CAMKMT: variants seen among roughly 807,000 people sequenced by gnomAD.
CAMKMT encodes the protein calmodulin-lysine N-methyltransferase.
A neutral mutation model predicts 48.0 loss-of-function variants in CAMKMT; 53 were observed. The ratio of observed to expected loss-of-function variants is 1.10; its 90% confidence interval spans 0.89 to 1.39. The LOEUF (loss-of-function observed/expected upper bound fraction) is 1.39. Among genes scored for constraint, CAMKMT ranks in the 40% most tolerant of loss-of-function variants. The probability of loss-of-function intolerance (pLI) is 0.00; values close to 1 mark genes in which losing one functional copy is unlikely to be tolerated. For synonymous variants in CAMKMT, 165 were observed against 152.3 expected, an observed-to-expected ratio of 1.08 and a Z score of -0.61; for missense variants, 428 against 402.7, an observed-to-expected ratio of 1.06 and a Z score of -0.54.
At chr2:44,707,597 G>A (rs1346355109) in intron 6 of CAMKMT, 135 bp downstream of exon 6, 6 of 613,166 alleles carry the variant, frequency 9.8e-6, no homozygotes, top group Non-Finnish European at 1.6e-5. Context: ...AAGTAATTAA[G>A]AAAAAGTAGA....
chr2:44,759,549 C>T (rs999880271), intron 9 of CAMKMT, among the ~76,000 whole-genome samples: 4 of 152,030 alleles, frequency 2.6e-5, no homozygotes, highest in South Asian at 2.1e-4. Flanking sequence ...GGATCAGTAC[C>T]GTGAACTGAA....
rs1367706283 is a variant in CAMKMT, at chr2:44,612,040, A to G, written c.377-92243A>G. Among the ~76,000 whole-genome samples, 3 of 152,204 alleles carry G rather than the reference A, an allele frequency of 2.0e-5. No homozygotes were observed. The East Asian group carries it at 5.8e-4, about 29-fold the overall frequency. ...GAGATTTCAGTGGGGAAACATCCAA[A>G]CTATATCATCTGGGTAACTTTCTAA... is the stretch of plus-strand genomic sequence containing the variant. On this transcript the variant is annotated intron_variant, in intron 3 of 10. Transcript: ENST00000378494.
chr2:44,525,841 A>G lies in CAMKMT; in HGVS notation c.376+135536A>G, dbSNP rs568844277. Among the ~76,000 whole-genome samples the G allele has an allele frequency of 6.8e-4, 103 of 151,376 alleles. 1 individual carries two copies. Among genetic ancestry groups the G allele is most frequent in the African/African-American group, 2.4e-3 (99 of 41,252 alleles). ...TTAAGCAATATGCCTCTTTCCCAAGAATTCTTTTCTTTTCTTTTCTTTTAT... is the reference window on the plus strand; with the variant it reads ...TTAAGCAATATGCCTCTTTCCCAAGGATTCTTTTCTTTTCTTTTCTTTTAT... On this transcript the variant is annotated intron_variant, in intron 3 of 10. Transcript: ENST00000378494.
intron 3 of CAMKMT, among the ~76,000 whole-genome samples, chr2:44,423,076 G>T (rs1255009828): frequency 1.3e-5 from 2 of 152,096 alleles, no homozygotes; most frequent in Non-Finnish European, 2.9e-5. Flanking sequence ...TCCTCAAGAG[G>T]AATAATATTT....
intron 3 of CAMKMT, among the ~76,000 whole-genome samples, chr2:44,539,165 C>T (rs1666951124): frequency 6.6e-6 from 1 of 151,292 alleles, no homozygotes; most frequent in Non-Finnish European, 1.5e-5. Context: ...CTTAGCCTGG[C>T]ATGGTGGCGG....
chr2:44,527,359 A>G (rs1440068501), intron 3 of CAMKMT, among the ~76,000 whole-genome samples: 3 of 144,066 alleles, frequency 2.1e-5, no homozygotes, highest in Admixed American at 1.4e-4. Context: ...TATATAATAT[A>G]TATACGTATA....
chr2:44,467,620 G>T (rs928426928), intron 3 of CAMKMT, among the ~76,000 whole-genome samples: 4 of 151,594 alleles, frequency 2.6e-5, no homozygotes, highest in Non-Finnish European at 5.9e-5. Context: ...ACTACAAAGC[G>T]ACAGTCAGCA....
intron 3 of CAMKMT, among the ~76,000 whole-genome samples, chr2:44,408,023 G>GTTT: frequency 2.5e-5 from 3 of 118,228 alleles, no homozygotes; most frequent in African/African-American, 1.2e-4. Context: ...AGTAGAGCAT[G>GTTT]TCTTTTTTTT....
chr2:44,678,222 T>C (rs960058646), intron 3 of CAMKMT, among the ~76,000 whole-genome samples: 1 of 152,170 alleles, frequency 6.6e-6, no homozygotes, highest in African/African-American at 2.4e-5. Context: ...AAAGTAGACT[T>C]GTGATGGTGC....
At chr2:44,453,843 C>T (rs919249928) in intron 3 of CAMKMT, among the ~76,000 whole-genome samples, 15 of 151,856 alleles carry the variant, frequency 9.9e-5, no homozygotes, top group African/African-American at 1.9e-4. Context: ...TCTAATAAAA[C>T]GACTATAAGA....
intron 7 of CAMKMT, among the ~76,000 whole-genome samples, chr2:44,734,440 G>T (rs918284504): frequency 6.6e-6 from 1 of 151,246 alleles, no homozygotes; most frequent in African/African-American, 2.4e-5. Flanking sequence ...TTTGAGACAG[G>T]TTCTCGCTGT....
chr2:44,740,436 C>G (rs1180032858), intron 7 of CAMKMT, among the ~76,000 whole-genome samples: 1 of 152,094 alleles, frequency 6.6e-6, no homozygotes, highest in Non-Finnish European at 1.5e-5. Flanking sequence ...GGCTGGATTG[C>G]TGCAATTTTG....
At chr2:44,382,518 A>T (rs1680351860) in intron 2 of CAMKMT, among the ~76,000 whole-genome samples, 1 of 148,210 alleles carries the variant, frequency 6.7e-6, no homozygotes. Context: ...TCGCTCTGTC[A>T]CCCAGGCTGG....
At chr2:44,679,974 T>C (rs563176055) in intron 3 of CAMKMT, among the ~76,000 whole-genome samples, 2 of 152,360 alleles carry the variant, frequency 1.3e-5, no homozygotes, top group South Asian at 2.1e-4. Context: ...CTTTTTCTTA[T>C]GTTTAAGTTT....
At chr2:44,416,722 C>G (rs951865930) in intron 3 of CAMKMT, among the ~76,000 whole-genome samples, 4 of 151,046 alleles carry the variant, frequency 2.6e-5, no homozygotes, top group Non-Finnish European at 5.9e-5. Context: ...TTACAGGTGC[C>G]CACAACCACA....
intron 3 of CAMKMT, among the ~76,000 whole-genome samples, chr2:44,471,283 G>T (rs563141183): frequency 2.3e-4 from 35 of 151,908 alleles, no homozygotes; most frequent in Admixed American, 3.3e-4. Context: ...GAGCCACCGC[G>T]CCCGGCTCTA....
intron 3 of CAMKMT, among the ~76,000 whole-genome samples, chr2:44,478,492 T>G (rs1339993914): frequency 6.6e-6 from 1 of 152,204 alleles, no homozygotes; most frequent in Non-Finnish European, 1.5e-5. Context: ...TAGACCTACT[T>G]TACCTTGGCT....
intron 9 of CAMKMT, among the ~76,000 whole-genome samples, chr2:44,757,257 G>A (rs1680420894): frequency 6.6e-6 from 1 of 152,182 alleles, no homozygotes; most frequent in Non-Finnish European, 1.5e-5. Context: ...AACAGGCTCT[G>A]GAACCGCCTC....
At chr2:44,531,739 T>G (rs975586015) in intron 3 of CAMKMT, among the ~76,000 whole-genome samples, 1 of 152,218 alleles carries the variant, frequency 6.6e-6, no homozygotes, top group Non-Finnish European at 1.5e-5. Flanking sequence ...TATTGCAATT[T>G]TGATAAACCT....
Sources: allele counts gnomAD v4.1 joint callset (sites outside exome capture counted in the v4.1 genomes callset), GRCh38; gene constraint gnomAD v4.1.1; transcripts MANE v1.5; gene names NCBI Gene and HGNC (gene_info 2026-07-23, HGNC 2026-07-21).